ARID1A: variants seen among roughly 807,000 people sequenced by gnomAD.
The protein encoded by ARID1A is AT-rich interactive domain-containing protein 1A.
ARID1A carries 20 observed loss-of-function variants against 212.6 expected under a neutral mutation model. That is an observed-to-expected ratio of 0.09 (90% CI 0.07 to 0.14). ARID1A has a LOEUF of 0.14. Ranked by LOEUF, ARID1A falls within the 10% of genes least tolerant of loss-of-function variation. The pLI, the probability that ARID1A is intolerant of heterozygous loss-of-function variation, is 1.00. For missense variants in ARID1A, 2,587 were observed against 3,059.0 expected (o/e 0.85, Z 3.64); for synonymous variants, 1,376 against 1,222.1 (o/e 1.13, Z -2.63).
chr1:26,773,423 G>A lies in ARID1A; in HGVS notation c.3793G>A (p.Gly1265Ser), dbSNP rs953652494. The part of the protein sequence containing the change: ...GMGDPYSRAA[G>S]PGLGNVAMGP... ...GGGTGACCCCTACAGTCGTGCTGCCGGCCCTGGGCTAGGAAATGTGGCGAT... is the reference window on the plus strand; with the variant it reads ...GGGTGACCCCTACAGTCGTGCTGCCAGCCCTGGGCTAGGAAATGTGGCGAT... Residue 1265 changes from glycine to serine, a missense_variant, in exon 15 of 20, where the codon GGC (glycine) becomes AGC (serine). Physicochemically the swap from Gly to Ser is moderately conservative, Grantham distance 56 (BLOSUM62 0). This residue lies in a region of ARID1A where 890 missense variants were observed against 1,098.2 expected (regional missense o/e 0.81). Coordinates refer to ENST00000324856, the MANE Select transcript of ARID1A (RefSeq NM_006015.6). The A allele has an allele frequency of 1.2e-5, 19 of 1,613,458 alleles. No homozygotes were observed. The Admixed American group carries it at 1.3e-4, about 11-fold the overall frequency.
chr1:26,727,246 T>C (rs560291066), intron 1 of ARID1A, among the ~76,000 whole-genome samples: 2 of 152,216 alleles, frequency 1.3e-5, no homozygotes, highest in African/African-American at 4.8e-5. Context: ...ATTACTACAC[T>C]ACCCTCTATG....
chr1:26,696,317 C>CGGGGGACT lies in ARID1A; in HGVS notation c.-83_-76dup. 9.5e-7 allele frequency: 1 copy of CGGGGGACT among 1,053,830 alleles called. No homozygotes were observed. The highest frequency in any genetic ancestry group is 1.1e-6 in the Non-Finnish European group (1 of 889,774). The allele number at this position is 1,053,830 out of a possible 1,614,324, so 65.3% of individuals were successfully genotyped here. On this transcript the variant is annotated 5_prime_UTR_variant, in exon 1 of 20. Transcript: ENST00000324856. ...GCCCGGGCGGGTGGGGAGGGCAGCCCGGGGGACTGGGCCCCGGGGCGGGGT... is the reference window on the plus strand; with the variant it reads ...GCCCGGGCGGGTGGGGAGGGCAGCCCGGGGGACTGGGGGACTGGGCCCCGGGGCGGGGT...
intron 4 of ARID1A, among the ~76,000 whole-genome samples, chr1:26,734,540 C>G (rs12047508): frequency 6.6e-6 from 1 of 152,118 alleles, no homozygotes; most frequent in Non-Finnish European, 1.5e-5. Flanking sequence ...TGGGCTTTTT[C>G]TAAAGATTCA....
At chr1:26,759,609 A>G (rs2080972656) in intron 4 of ARID1A, among the ~76,000 whole-genome samples, 1 of 152,170 alleles carries the variant, frequency 6.6e-6, no homozygotes, top group Non-Finnish European at 1.5e-5. Flanking sequence ...TAATGTTGCT[A>G]GAGAATGAAC....
chr1:26,749,325 CTCA>C (rs2080865044), intron 4 of ARID1A, among the ~76,000 whole-genome samples: 1 of 152,098 alleles, frequency 6.6e-6, no homozygotes, highest in Non-Finnish European at 1.5e-5. Context: ...GGAGCACCTT[CTCA>C]TCTATCCTTT....
In ARID1A at chr1:26,719,175, G is replaced by GTA. The variant is rs1487001522; in HGVS notation, c.1138-10473_1138-10472dup. On this transcript the variant is annotated intron_variant, in intron 1 of 19. Coordinates refer to ENST00000324856, the MANE Select transcript of ARID1A (RefSeq NM_006015.6). ...GCATAGGGGAGCATTTGTTTGTTTTGTATACATATCTCTTATCTCTGCCTA... is the reference window on the plus strand; with the variant it reads ...GCATAGGGGAGCATTTGTTTGTTTTGTATATACATATCTCTTATCTCTGCCTA... Among the ~76,000 whole-genome samples the GTA allele has an allele frequency of 3.3e-5, 5 of 152,130 alleles. No homozygotes were observed. The East Asian group carries it at 9.6e-4, about 29-fold the overall frequency.
At position 26,771,353 on chromosome 1, in the gene ARID1A, A is replaced by C; in HGVS notation, c.3406+27A>C. On this transcript the variant is annotated intron_variant, in intron 12 of 19. Coordinates refer to ENST00000324856, the MANE Select transcript of ARID1A (RefSeq NM_006015.6). The surrounding 1 kb of genome is among the most constrained non-coding windows in gnomAD (Gnocchi z 5.4). ...TAAGGATGGGGTCAGCGGCCCCACC[A>C]AGGCTGAGAGGGCCTGTTGCCCTGG... 6.2e-7 allele frequency: 1 copy of C among 1,606,874 alleles called. No individual in the cohort carries two copies.
In ARID1A at chr1:26,780,193, G is replaced by T. The variant is rs1289079681; in HGVS notation, c.6295G>T (p.Ala2099Ser). 1.9e-6 allele frequency: 3 copies of T among 1,614,124 alleles called. No homozygotes were observed. The highest frequency in any genetic ancestry group is 1.7e-6 in the Non-Finnish European group (2 of 1,180,012). The change falls in exon 20 of 20, where the codon GCC (alanine) becomes TCC (serine). Residue 2099 changes from alanine to serine, a missense_variant. By Grantham distance (99) the Ala-to-Ser change is moderately conservative. Around this residue, in one of 11 missense-constraint regions of ARID1A, gnomAD observed 168 missense variants for 321.0 expected, o/e 0.52. Transcript: ENST00000324856. This position sits in a 1 kb window ranked among gnomAD's most constrained non-coding sequence, Gnocchi z 7.2. ...CTGGGCAGTTTGCCCTTCAGCTGAA[G>T]CCCAGGACCCCTTTTCCACCCTGGG... ...LHWAVCPSAE[A>S]QDPFSTLGPN...
chr1:26,714,483 G>A (rs2080483207), intron 1 of ARID1A, among the ~76,000 whole-genome samples: 2 of 151,990 alleles, frequency 1.3e-5, no homozygotes, highest in South Asian at 4.1e-4. Flanking sequence ...GCGCAATCTC[G>A]GCTCACTGCA....
chr1:26,735,374 C>T (rs910016912), intron 4 of ARID1A, among the ~76,000 whole-genome samples: 2 of 152,186 alleles, frequency 1.3e-5, no homozygotes, highest in African/African-American at 4.8e-5. Flanking sequence ...CTCACTGCAA[C>T]CTCAGCCTCC....
rs1314295481 is a variant in ARID1A, at chr1:26,766,118, T to TC, written c.2733-103_2733-102insC. 3.2e-5 allele frequency: 43 copies of TC among 1,351,670 alleles called. No homozygotes were observed. In the East Asian group the frequency reaches 1.0e-3, roughly 31 times the overall value. 83.7% of individuals were successfully genotyped at this position (1,351,670 alleles called of 1,614,324 possible). A position where few individuals can be genotyped will look rare whatever the true frequency, so the allele number is the denominator to read the frequency against. On this transcript the variant is annotated intron_variant, in intron 8 of 19. Transcript: ENST00000324856. ...TTGGGGACCCATAAATGTTTTCCTTTTAATCCTTACTAGATGATCACACAG... is the reference window on the plus strand; with the variant it reads ...TTGGGGACCCATAAATGTTTTCCTTTCTAATCCTTACTAGATGATCACACAG...
At chr1:26,721,102 A>AT (rs570120764) in intron 1 of ARID1A, among the ~76,000 whole-genome samples, 144 of 152,286 alleles carry the variant, frequency 9.5e-4, no homozygotes, top group African/African-American at 3.2e-3. Context: ...GCCTTTTGAG[A>AT]TAAAAAGTTG....
rs766039070 is a variant in ARID1A, at chr1:26,771,264, C to G, written c.3344C>G (p.Pro1115Arg). The change falls in exon 12 of 20, where the codon CCA (proline) becomes CGA (arginine). Residue 1115 changes from proline (P) to arginine (R), a missense_variant. Physicochemically the swap from Pro to Arg is moderately radical, Grantham distance 103. Around this residue, in one of 11 missense-constraint regions of ARID1A, gnomAD observed 890 missense variants for 1,098.2 expected, o/e 0.81. Coordinates refer to ENST00000324856, the MANE Select transcript of ARID1A (RefSeq NM_006015.6). The surrounding 1 kb of genome is among the most constrained non-coding windows in gnomAD (Gnocchi z 5.4). ...CKIERGEDPP[P>R]DIFAAADSKK... is the part of the protein sequence containing the mutation. The stretch of plus-strand genomic sequence containing the variant: ...ATTGAACGGGGAGAAGACCCTCCCC[C>G]AGACATCTTTGCAGCTGCTGATTCC... 75 of 1,614,082 alleles carry G rather than the reference C, an allele frequency of 4.6e-5. No individual in the cohort carries two copies. The highest frequency in any genetic ancestry group is 6.0e-5 in the Non-Finnish European group (71 of 1,180,044).
chr1:26,763,378 G>A, intron 8 of ARID1A, 93 bp downstream of exon 8: 1 of 1,364,696 alleles, frequency 7.3e-7, no homozygotes, highest in East Asian at 2.5e-5. Context: ...TAAACCAGGG[G>A]GGGAAAATGG....
At chr1:26,761,142 C>T (rs2124057698) in intron 5 of ARID1A, 46 bp downstream of exon 5, 1 of 1,601,380 alleles carries the variant, frequency 6.2e-7, no homozygotes, top group Non-Finnish European at 8.5e-7. Flanking sequence ...GGTGACTGCC[C>T]CCAGTAATAT....
intron 19 of ARID1A, chr1:26,776,008 G>A: frequency 2.1e-6 from 1 of 474,930 alleles, no homozygotes; most frequent in Non-Finnish European, 4.0e-6. Context: ...TTTTCTAGAA[G>A]AATCTGTGTT....
chr1:26,710,643 C>G (rs1330711894), intron 1 of ARID1A, among the ~76,000 whole-genome samples: 2 of 151,988 alleles, frequency 1.3e-5, no homozygotes, highest in Non-Finnish European at 2.9e-5. Flanking sequence ...TTGGCCAGTC[C>G]TATCGAATCC....
intron 4 of ARID1A, among the ~76,000 whole-genome samples, chr1:26,734,343 CTTTTTTTTTTT>C (rs55976597): frequency 8.2e-6 from 1 of 121,474 alleles, no homozygotes; most frequent in Non-Finnish European, 1.7e-5. Flanking sequence ...TATTTGGCTT[CTTTTTTTTTTT>C]TTTTTTTTGG....
chr1:26,772,421 C>T (rs2081090487), intron 12 of ARID1A, 79 bp from the exon 13 acceptor site: 1 of 1,594,016 alleles, frequency 6.3e-7, no homozygotes, highest in Non-Finnish European at 8.6e-7. Context: ...CAAAGAGATT[C>T]TGGGTCGTTC....
Sources: gnomAD v4.1 joint callset for allele counts (sites outside exome capture counted in the v4.1 genomes callset) on GRCh38, gnomAD v4.1.1 for gene constraint, gnomAD v4.1.1 regional missense constraint, Gnocchi (gnomAD v3.1) non-coding constraint, MANE v1.5 for transcripts, NCBI Gene and HGNC (gene_info 2026-07-23, HGNC 2026-07-21) for gene names.